The following ADAMTSL1 variants were observed in gnomAD, a reference collection of about 807,000 sequenced individuals.
ADAMTSL1 encodes the protein ADAMTS-like protein 1.
ADAMTSL1 carries 126 observed loss-of-function variants against 201.8 expected under a neutral mutation model. That is an observed-to-expected ratio of 0.62 (90% CI 0.54 to 0.72). The LOEUF (loss-of-function observed/expected upper bound fraction) is 0.72, where lower values mean the gene tolerates loss of function less well. Ranked by LOEUF, ADAMTSL1 falls within the 30% of genes least tolerant of loss-of-function variation. The pLI, the probability that ADAMTSL1 is intolerant of heterozygous loss-of-function variation, is 0.00. For missense variants in ADAMTSL1, 2,679 were observed against 2,277.8 expected, an observed-to-expected ratio of 1.18 and a Z score of -3.59; for synonymous variants, 1,121 against 903.4, an observed-to-expected ratio of 1.24 and a Z score of -4.32.
At chr9:18,735,652 C>T (rs73417124) in intron 15 of ADAMTSL1, among the ~76,000 whole-genome samples, 5,361 of 152,136 alleles carry the variant, frequency 0.035, 107 homozygotes, top group African/African-American at 0.056. Context: ...TGGGTTACCC[C>T]TTTATCAGAG....
intron 28 of ADAMTSL1, 118 bp from the exon 29 acceptor site, chr9:18,908,324 C>T: frequency 1.2e-6 from 1 of 843,594 alleles, no homozygotes; most frequent in Admixed American, 2.0e-5. Flanking sequence ...CAAGGCAGAC[C>T]CCAGGATGTA....
intron 19 of ADAMTSL1, among the ~76,000 whole-genome samples, chr9:18,779,917 C>G (rs1272812905): frequency 6.6e-6 from 1 of 152,126 alleles, no homozygotes; most frequent in Non-Finnish European, 1.5e-5. Flanking sequence ...GGGATTGGTA[C>G]TATTGGGATT....
At chr9:18,878,242 C>G (rs938114399) in intron 23 of ADAMTSL1, among the ~76,000 whole-genome samples, 3 of 150,156 alleles carry the variant, frequency 2.0e-5, no homozygotes, top group Non-Finnish European at 4.5e-5. Context: ...CACACCTCCC[C>G]ACCTGTCGTG....
intron 1 of ADAMTSL1, among the ~76,000 whole-genome samples, chr9:18,039,537 T>A (rs1821347034): frequency 6.6e-6 from 1 of 152,200 alleles, no homozygotes; most frequent in Non-Finnish European, 1.5e-5. Flanking sequence ...GGGATAGGGT[T>A]TCTTTCTACG....
chr9:18,893,213 C>T (rs76061192), intron 26 of ADAMTSL1, among the ~76,000 whole-genome samples: 116 of 152,142 alleles, frequency 7.6e-4, no homozygotes, highest in African/African-American at 2.7e-3. Flanking sequence ...GCCTGCTTCT[C>T]ATAGGTCACA....
chr9:18,667,047 T>G (rs1030176426), intron 9 of ADAMTSL1, among the ~76,000 whole-genome samples: 1 of 150,326 alleles, frequency 6.7e-6, no homozygotes, highest in African/African-American at 2.5e-5. Flanking sequence ...TGAAAAAAGA[T>G]CTCACTCATC....
chr9:18,435,014 A>G (rs1819663483), intron 2 of ADAMTSL1, among the ~76,000 whole-genome samples: 1 of 152,198 alleles, frequency 6.6e-6, no homozygotes, highest in Admixed American at 6.5e-5. Flanking sequence ...GTCACAATAG[A>G]TGCTAAATGC....
At chr9:18,841,624 T>A (rs1356220515) in intron 23 of ADAMTSL1, among the ~76,000 whole-genome samples, 1 of 152,240 alleles carries the variant, frequency 6.6e-6, no homozygotes, top group East Asian at 1.9e-4. Context: ...ACCAGTTCCT[T>A]CTTGTACCTC....
chr9:18,708,433 G>A (rs183742096), intron 14 of ADAMTSL1, among the ~76,000 whole-genome samples: 8 of 152,304 alleles, frequency 5.3e-5, no homozygotes, highest in Admixed American at 3.9e-4. Flanking sequence ...AAATGATTCC[G>A]GAAGACAGTT....
intron 2 of ADAMTSL1, among the ~76,000 whole-genome samples, chr9:18,241,341 G>A (rs376584051): frequency 1.8e-4 from 28 of 152,012 alleles, no homozygotes; most frequent in African/African-American, 5.3e-4. Context: ...TGTTGCCTCT[G>A]TAGAACCCTT....
intron 2 of ADAMTSL1, among the ~76,000 whole-genome samples, chr9:18,445,741 T>G (rs777954977): frequency 1.3e-5 from 2 of 152,138 alleles, no homozygotes; most frequent in Non-Finnish European, 2.9e-5. Context: ...TATAAAACAT[T>G]TTTAGTTTAC....
chr9:18,637,492 T>G (rs1425129594), intron 6 of ADAMTSL1, among the ~76,000 whole-genome samples: 2 of 152,176 alleles, frequency 1.3e-5, no homozygotes, highest in African/African-American at 2.4e-5. Context: ...TTTTTATAAA[T>G]GTATTAGTCT....
At position 18,636,094 on chromosome 9, in the gene ADAMTSL1, T is replaced by A. The variant is rs567362762; in HGVS notation, c.676+77T>A. On this transcript the variant is annotated intron_variant, in intron 6 of 28. Transcript: ENST00000380548. ...ATTTATTTTGTCTTCCCAGAAAAGA[T>A]TAAAACACAAGAATACAAATCTTTC... The A allele has an allele frequency of 1.1e-4, 136 of 1,210,826 alleles. 1 individual carries two copies. In the South Asian group the frequency reaches 1.8e-3, roughly 16 times the overall value. The allele number at this position is 1,210,826 out of a possible 1,614,324, so 75.0% of individuals were successfully genotyped here. A position where few individuals can be genotyped will look rare whatever the true frequency, so the allele number is the denominator to read the frequency against.
At chr9:18,073,967 T>C (rs1037709787) in intron 1 of ADAMTSL1, among the ~76,000 whole-genome samples, 2 of 125,690 alleles carry the variant, frequency 1.6e-5, no homozygotes, top group Non-Finnish European at 3.4e-5. Flanking sequence ...TCATGCCTTG[T>C]TGTAAAACTG....
intron 23 of ADAMTSL1, among the ~76,000 whole-genome samples, chr9:18,864,050 T>C (rs867049844): frequency 1.3e-4 from 20 of 152,224 alleles, no homozygotes; most frequent in African/African-American, 4.8e-4. Context: ...GCCACATCTT[T>C]CATACTTTTA....
At chr9:17,977,926 T>C (rs961416604) in intron 1 of ADAMTSL1, among the ~76,000 whole-genome samples, 1 of 152,056 alleles carries the variant, frequency 6.6e-6, no homozygotes, top group Non-Finnish European at 1.5e-5. Context: ...CCCCTACCAT[T>C]ATTGTATTGC....
chr9:18,626,648 G>A (rs2132703172), intron 5 of ADAMTSL1, among the ~76,000 whole-genome samples: 1 of 152,244 alleles, frequency 6.6e-6, no homozygotes, highest in East Asian at 1.9e-4. Context: ...TTGAACAGAG[G>A]AATAACTTGA....
chr9:18,897,679 A>T (rs1211481616), intron 26 of ADAMTSL1, among the ~76,000 whole-genome samples: 5 of 152,234 alleles, frequency 3.3e-5, no homozygotes, highest in Non-Finnish European at 7.3e-5. Flanking sequence ...TCAACGAAAA[A>T]GACCCCACAA....
At chr9:18,661,850 TTGATG>T in intron 8 of ADAMTSL1, 80 bp from the exon 9 acceptor site, 1 of 1,375,932 alleles carries the variant, frequency 7.3e-7, no homozygotes, top group Non-Finnish European at 9.7e-7. Flanking sequence ...ATAATTTCCA[TTGATG>T]TGAGCTGGCC....
Sources: allele counts gnomAD v4.1 joint callset (sites outside exome capture counted in the v4.1 genomes callset), GRCh38; gene constraint gnomAD v4.1.1; transcripts MANE v1.5; gene names NCBI Gene and HGNC (gene_info 2026-07-23, HGNC 2026-07-21).